The following NDUFS1 variants were observed in gnomAD, a reference collection of about 807,000 sequenced individuals.
NDUFS1 encodes NADH:ubiquinone oxidoreductase core subunit S1.
Under a neutral mutation model 84.4 loss-of-function variants are expected in NDUFS1, and 61 were observed. That is an observed-to-expected ratio of 0.72 (90% CI 0.59 to 0.89). NDUFS1 has a LOEUF of 0.89. Ranked by LOEUF, NDUFS1 falls within the 40% of genes least tolerant of loss-of-function variation. NDUFS1 has a pLI of 0.00. For synonymous variants in NDUFS1, 275 were observed against 290.0 expected (o/e 0.95, Z 0.53); for missense variants, 891 against 890.0 (o/e 1.00, Z -0.01).
At chr2:206,154,837 C>G (rs1002712768) in intron 1 of NDUFS1, among the ~76,000 whole-genome samples, 1 of 151,516 alleles carries the variant, frequency 6.6e-6, no homozygotes, top group African/African-American at 2.4e-5. Context: ...GTTGGCCAGG[C>G]TGGTCTCGAA....
In NDUFS1 at chr2:206,159,388, C is replaced by G. The variant is rs1161879118; in HGVS notation, c.-52G>C. The G allele has an allele frequency of 1.9e-6, 1 of 535,132 alleles. No individual in the cohort carries two copies. Among genetic ancestry groups the G allele is most frequent in the Non-Finnish European group, 3.3e-6 (1 of 298,882 alleles). 33.1% of individuals were successfully genotyped at this position (535,132 alleles called of 1,614,324 possible). On this transcript the variant is annotated 5_prime_UTR_variant, in exon 1 of 19. Transcript: ENST00000233190. ...CTGTTCTGCTAAACTGTCTGGACCA[C>G]GACGACCCCCTAGGAGGCCGGGTCG... is the stretch of plus-strand genomic sequence containing the variant.
chr2:206,154,418 T>A (rs1258068815), intron 1 of NDUFS1, among the ~76,000 whole-genome samples: 1 of 152,114 alleles, frequency 6.6e-6, no homozygotes, highest in African/African-American at 2.4e-5. Context: ...ATCTAGTGGG[T>A]AGAGGACAAG....
At chr2:206,138,244 A>T (rs1448257694) in intron 13 of NDUFS1, among the ~76,000 whole-genome samples, 1 of 151,920 alleles carries the variant, frequency 6.6e-6, no homozygotes, top group Non-Finnish European at 1.5e-5. Context: ...GCGCACGCTA[A>T]CTTTGGTTTG....
chr2:206,152,393 A>G, intron 3 of NDUFS1, 26 bp downstream of exon 3: 3 of 1,581,918 alleles, frequency 1.9e-6, no homozygotes, highest in Non-Finnish European at 2.6e-6. Context: ...GAACACACAC[A>G]CAAAATAGTT....
intron 10 of NDUFS1, among the ~76,000 whole-genome samples, chr2:206,143,709 T>C (rs1477591253): frequency 6.6e-6 from 1 of 152,094 alleles, no homozygotes; most frequent in Non-Finnish European, 1.5e-5. Context: ...TAGGCATTCC[T>C]CCTACGTGCT....
In NDUFS1 at chr2:206,130,183, C is replaced by G. The variant is rs768062085; in HGVS notation, c.1613G>C (p.Arg538Pro). The G allele has an allele frequency of 2.2e-5, 36 of 1,614,008 alleles. No homozygotes were observed. In the African/African-American group the frequency reaches 2.4e-4, roughly 11 times the overall value. ...LGYKPGVEAI[R>P]KNPPKVLFLL... ...AAACAGCACCTTGGGAGGGTTCTTC[C>G]GAATTGCTTCCACCCCAGGCTTATA... The change falls in exon 15 of 19, where the codon CGG becomes CCG. Residue 538 changes from arginine to proline, a missense_variant. Physicochemically the swap from Arg to Pro is moderately radical, Grantham distance 103. Transcript: ENST00000233190.
intron 13 of NDUFS1, 56 bp from the exon 14 acceptor site, chr2:206,133,161 CA>C (rs1333998817): frequency 2.0e-5 from 28 of 1,427,054 alleles, no homozygotes; most frequent in Non-Finnish European, 2.5e-5. Flanking sequence ...AGCTGAACAC[CA>C]AACCATATTT....
chr2:206,158,871 C>A (rs4147709), intron 1 of NDUFS1, among the ~76,000 whole-genome samples: 79,833 of 151,746 alleles, frequency 0.53, 22,496 homozygotes, highest in African/African-American at 0.73. Context: ...GTCAATGGAC[C>A]AAACAAACAA....
At chr2:206,144,302 G>T (rs1692077032) in intron 9 of NDUFS1, among the ~76,000 whole-genome samples, 170 bp from the exon 10 acceptor site, 1 of 152,134 alleles carries the variant, frequency 6.6e-6, no homozygotes, top group Admixed American at 6.5e-5. Flanking sequence ...TGAACTAATA[G>T]ATTTTATGAA....
chr2:206,125,750 T>C (rs1691268984), intron 18 of NDUFS1, among the ~76,000 whole-genome samples: 1 of 152,026 alleles, frequency 6.6e-6, no homozygotes, highest in Non-Finnish European at 1.5e-5. Context: ...GAATACTTCA[T>C]CACCGAGGAA....
At chr2:206,158,962 T>TG (rs1176436875) in intron 1 of NDUFS1, 2 of 915,486 alleles carry the variant, frequency 2.2e-6, no homozygotes, top group African/African-American at 1.7e-5. Context: ...TGTAAAAATC[T>TG]GGGGGGAAAG....
chr2:206,146,620 T>C lies in NDUFS1; in HGVS notation c.737+283A>G, dbSNP rs1692163400. Among the ~76,000 whole-genome samples the C allele has an allele frequency of 1.3e-5, 2 of 152,230 alleles. 1 individual carries two copies. The highest frequency in any genetic ancestry group is 4.8e-5 in the African/African-American group (2 of 41,456). On this transcript the variant is annotated intron_variant, in intron 8 of 18. Coordinates refer to ENST00000233190, the MANE Select transcript of NDUFS1 (RefSeq NM_005006.7). ...CTTAATAAACAACAACATGGGAGAC[T>C]ATACATTTAAAATGTCAACACTATT...
At chr2:206,144,223 CAGTACTGGTTAA>C (rs1206294457) in intron 9 of NDUFS1, 91 bp from the exon 10 acceptor site, 2 of 953,770 alleles carry the variant, frequency 2.1e-6, no homozygotes, top group Admixed American at 3.5e-5. Flanking sequence ...TATTTAAATA[CAGTACTGGTTAA>C]AGTGTCAAAT....
Position 206,147,581 on chromosome 2 carries a change from T to A in NDUFS1, c.501A>T (p.Pro167=). The part of the protein sequence containing the change: ...KRAVEDKNIG[P]LVKTIMTRCI... ...ATCTTGTCATGATGGTCTTTACCAA[T>A]GGCCCAATGTTCTTGTCTTCCACAG... Residue 167 remains proline, a synonymous_variant, in exon 7 of 19, where the codon CCA becomes CCT. Coordinates refer to ENST00000233190, the MANE Select transcript of NDUFS1 (RefSeq NM_005006.7). The A allele has an allele frequency of 1.9e-6, 3 of 1,614,206 alleles. No homozygotes were observed. The highest frequency in any genetic ancestry group is 1.7e-6 in the Non-Finnish European group (2 of 1,180,032).
intron 8 of NDUFS1, among the ~76,000 whole-genome samples, chr2:206,146,129 G>A (rs1017223554): frequency 6.6e-6 from 1 of 152,130 alleles, no homozygotes; most frequent in Admixed American, 6.5e-5. Context: ...CTCTTATTAG[G>A]TCACGGTGTT....
At position 206,130,095 on chromosome 2, in the gene NDUFS1, A is replaced by C; in HGVS notation, c.1701T>G (p.Ile567Met). The stretch of plus-strand genomic sequence containing the variant: ...GTCACAGGTGATACTTACCTTGATA[A>C]ATAATGAAACAATCCTTTGGCAAAT... ...RQDLPKDCFI[I>M]YQGHHGDVGA... Residue 567 changes from isoleucine to methionine, a missense_variant, in exon 15 of 19, where the codon ATT (isoleucine) becomes ATG (methionine). Transcript: ENST00000233190. 1 of 1,614,192 alleles carries C rather than the reference A, an allele frequency of 6.2e-7. No homozygotes were observed. The highest frequency in any genetic ancestry group is 8.5e-7 in the Non-Finnish European group (1 of 1,180,028).
chr2:206,124,448 T>G (rs1341275586), intron 18 of NDUFS1, among the ~76,000 whole-genome samples, 172 bp from the exon 19 acceptor site: 1 of 152,170 alleles, frequency 6.6e-6, no homozygotes, highest in Non-Finnish European at 1.5e-5. Flanking sequence ...ACTGGCCACA[T>G]GCTTTCAATA....
chr2:206,129,965 G>C (rs1198875951), intron 15 of NDUFS1, 123 bp downstream of exon 15: 1 of 1,072,822 alleles, frequency 9.3e-7, no homozygotes, highest in Non-Finnish European at 1.4e-6. Flanking sequence ...AAAAGGAGGA[G>C]GAGTGGGGGA....
chr2:206,139,339 C>T (rs955214057), intron 12 of NDUFS1, among the ~76,000 whole-genome samples: 1 of 151,832 alleles, frequency 6.6e-6, no homozygotes, highest in Middle Eastern at 3.2e-3. Context: ...GCACCTGCCT[C>T]TACGCCCAGC....
Sources: gnomAD v4.1 joint callset for allele counts (sites outside exome capture counted in the v4.1 genomes callset) on GRCh38, gnomAD v4.1.1 for gene constraint, MANE v1.5 for transcripts, NCBI Gene and HGNC (gene_info 2026-07-23, HGNC 2026-07-21) for gene names.